KCNIP4: variants seen among roughly 807,000 people sequenced by gnomAD.
KCNIP4 encodes the protein Kv channel-interacting protein 4.
Under a neutral mutation model 34.0 loss-of-function variants are expected in KCNIP4, and 12 were observed. The observed-to-expected ratio is 0.35, with a 90% CI of 0.23 to 0.57. The LOEUF (loss-of-function observed/expected upper bound fraction) is 0.57, where lower values mean the gene tolerates loss of function less well. KCNIP4 is among the 20% of genes least tolerant of loss of function. The probability of loss-of-function intolerance (pLI) is 0.83; values close to 1 mark genes in which losing one functional copy is unlikely to be tolerated. For missense variants in KCNIP4, 238 were observed against 311.7 expected (o/e 0.76, Z 1.78); for synonymous variants, 124 against 102.2 (o/e 1.21, Z -1.29).
At chr4:21,181,316 A>G (rs16870552) in intron 1 of KCNIP4, among the ~76,000 whole-genome samples, 2,432 of 152,184 alleles carry the variant, frequency 0.016, 51 homozygotes, top group African/African-American at 0.052. Flanking sequence ...AAACATGGAA[A>G]CTGGGAAGCT....
chr4:20,843,684 C>T (rs190940202), intron 3 of KCNIP4, among the ~76,000 whole-genome samples: 86 of 152,204 alleles, frequency 5.7e-4, no homozygotes, highest in African/African-American at 2.0e-3. Context: ...GAGTGGAGAT[C>T]GCGCCACTGC....
intron 1 of KCNIP4, among the ~76,000 whole-genome samples, chr4:21,706,570 T>C (rs1401235567): frequency 6.6e-6 from 1 of 152,168 alleles, no homozygotes; most frequent in African/African-American, 2.4e-5. Flanking sequence ...ATATGAAATC[T>C]TAAATGCACT....
At chr4:20,900,556 C>T (rs1047207980) in intron 1 of KCNIP4, among the ~76,000 whole-genome samples, 1 of 152,012 alleles carries the variant, frequency 6.6e-6, no homozygotes, top group African/African-American at 2.4e-5. Flanking sequence ...TTCAAGATTC[C>T]CAAAACAATT....
chr4:20,824,250 T>C (rs752094694), intron 3 of KCNIP4, among the ~76,000 whole-genome samples: 4 of 152,216 alleles, frequency 2.6e-5, no homozygotes, highest in Non-Finnish European at 5.9e-5. Context: ...TACTTTTTGC[T>C]CATCACAATG....
In KCNIP4 at chr4:21,100,194, A is replaced by G. The variant is rs138431847; in HGVS notation, c.62-217485T>C. 3.3e-3 allele frequency among the ~76,000 whole-genome samples: 499 copies of G among 152,308 alleles called. 2 individuals carry two copies. The highest frequency in any genetic ancestry group is 0.011 in the African/African-American group (457 of 41,576). The stretch of plus-strand genomic sequence containing the variant: ...AATGTTATCAGACAGCATTGCATGC[A>G]ACGGAAAAATCTTTTGGGAAAGAGT... On this transcript the variant is annotated intron_variant, in intron 1 of 8. Transcript: ENST00000382152.
chr4:21,650,157 T>C (rs894873038), intron 1 of KCNIP4, among the ~76,000 whole-genome samples: 1 of 152,226 alleles, frequency 6.6e-6, no homozygotes, highest in Non-Finnish European at 1.5e-5. Flanking sequence ...CCACAGGATC[T>C]GTACTTCACC....
At chr4:20,872,405 T>A (rs1005390228) in intron 2 of KCNIP4, among the ~76,000 whole-genome samples, 5 of 152,138 alleles carry the variant, frequency 3.3e-5, no homozygotes, top group Non-Finnish European at 5.9e-5. Flanking sequence ...CACTTGGTGC[T>A]TCAAAACCCT....
Position 20,785,508 on chromosome 4 carries a change from G to A in KCNIP4, c.289-26618C>T, listed in dbSNP as rs548863290. 2.0e-5 allele frequency among the ~76,000 whole-genome samples: 3 copies of A among 152,064 alleles called. No individual in the cohort carries two copies. The East Asian group carries it at 5.8e-4, about 29-fold the overall frequency. ...TCAATTACCTGGGATGGTGTGTGCTGATCCACCTAGCAATGAACTCAGATC... is the reference window on the plus strand; with the variant it reads ...TCAATTACCTGGGATGGTGTGTGCTAATCCACCTAGCAATGAACTCAGATC... On this transcript the variant is annotated intron_variant, in intron 3 of 8. Transcript: ENST00000382152.
chr4:20,730,155 T>TAAATTCAGCATATCTGCAAGG, intron 8 of KCNIP4, 26 bp from the exon 9 acceptor site: 2 of 1,591,066 alleles, frequency 1.3e-6, no homozygotes, highest in South Asian at 2.3e-5. Context: ...ACAGAGCGAT[T>TAAATTCAGCATATCTGCAAGG]AAATTCAGCA....
chr4:21,191,416 G>A (rs182896243), intron 1 of KCNIP4, among the ~76,000 whole-genome samples: 3 of 152,326 alleles, frequency 2.0e-5, no homozygotes, highest in African/African-American at 7.2e-5. Flanking sequence ...CGGAAGATAG[G>A]CATTGGTTTC....
At chr4:20,734,256 T>C (rs1749058437) in intron 6 of KCNIP4, among the ~76,000 whole-genome samples, 1 of 152,178 alleles carries the variant, frequency 6.6e-6, no homozygotes, top group Non-Finnish European at 1.5e-5. Context: ...ATCCCCATGA[T>C]TGTAAAATTT....
intron 1 of KCNIP4, among the ~76,000 whole-genome samples, chr4:21,293,479 C>A (rs1056950622): frequency 6.6e-6 from 1 of 152,196 alleles, no homozygotes; most frequent in African/African-American, 2.4e-5. Context: ...CATTCTACTG[C>A]AGTCTACTGG....
intron 1 of KCNIP4, among the ~76,000 whole-genome samples, chr4:21,188,672 A>G (rs373021474): frequency 2.0e-5 from 3 of 152,098 alleles, no homozygotes; most frequent in African/African-American, 7.2e-5. Flanking sequence ...CCTTTTTTCC[A>G]TATATGTATC....
chr4:21,020,657 GA>G (rs1739952246), intron 1 of KCNIP4, among the ~76,000 whole-genome samples: 1 of 152,108 alleles, frequency 6.6e-6, no homozygotes, highest in South Asian at 2.1e-4. Flanking sequence ...CTGGTATCCA[GA>G]AGAAAATAGG....
intron 1 of KCNIP4, among the ~76,000 whole-genome samples, chr4:21,204,210 T>C (rs537870000): frequency 6.6e-6 from 1 of 152,258 alleles, no homozygotes; most frequent in East Asian, 1.9e-4. Flanking sequence ...CTTTAATGCA[T>C]GTGCTTAGTT....
intron 2 of KCNIP4, among the ~76,000 whole-genome samples, chr4:20,856,519 GT>G (rs1275564597): frequency 6.6e-6 from 1 of 151,856 alleles, no homozygotes; most frequent in African/African-American, 2.4e-5. Context: ...TCCATTGTGA[GT>G]TTTTTTTGCA....
In KCNIP4 at chr4:20,821,547, T is replaced by C. The variant is rs1717104982; in HGVS notation, c.288+28996A>G. 5.3e-5 allele frequency among the ~76,000 whole-genome samples: 8 copies of C among 152,250 alleles called. No individual in the cohort carries two copies. In the South Asian group the frequency reaches 1.0e-3, roughly 20 times the overall value. Reference sequence around the variant, plus strand: ...TTTTTTGTTACATGGATAAGCTCTTTTGTGGTGATTTCTGAGATTTTGGTG... The same window carrying C: ...TTTTTTGTTACATGGATAAGCTCTTCTGTGGTGATTTCTGAGATTTTGGTG... On this transcript the variant is annotated intron_variant, in intron 3 of 8. Transcript: ENST00000382152.
intron 1 of KCNIP4, among the ~76,000 whole-genome samples, chr4:21,191,060 C>T (rs1755609891): frequency 6.6e-6 from 1 of 152,110 alleles, no homozygotes; most frequent in African/African-American, 2.4e-5. Flanking sequence ...GTTATTTTTT[C>T]CAAGCAAACC....
In KCNIP4 at chr4:20,729,905, A is replaced by G. The variant is rs1156454689; in HGVS notation, c.*177T>C. 4 of 635,032 alleles carry G rather than the reference A, an allele frequency of 6.3e-6. No homozygotes were observed. In the East Asian group the frequency reaches 1.3e-4, roughly 20 times the overall value. The allele number at this position is 635,032 out of a possible 1,614,324, so 39.3% of individuals were successfully genotyped here. On this transcript the variant is annotated 3_prime_UTR_variant, in exon 9 of 9. Transcript: ENST00000382152. ...CTCAGTGGCATTATGAAAAGGATGC[A>G]AATTTATAACTGAAAGCTCAAATCT... is the stretch of plus-strand genomic sequence containing the variant.
Sources: gnomAD v4.1 joint callset for allele counts (sites outside exome capture counted in the v4.1 genomes callset) on GRCh38, gnomAD v4.1.1 for gene constraint, MANE v1.5 for transcripts, NCBI Gene and HGNC (gene_info 2026-07-23, HGNC 2026-07-21) for gene names.